CSTPP1: variants seen among roughly 807,000 people sequenced by gnomAD.
CSTPP1 encodes the protein centriolar satellite-associated tubulin polyglutamylase complex regulator 1.
At chr11:47,043,029 A>C in the CSTPP1 span, among the ~76,000 whole-genome samples, 1 of 152,212 alleles carries the variant, frequency 6.6e-6, no homozygotes, top group Non-Finnish European at 1.5e-5. Flanking sequence ...CTGACTAGGA[A>C]CTCACTAAAC....
chr11:47,164,192 G>T, the CSTPP1 span: 1 of 1,613,874 alleles, frequency 6.2e-7, no homozygotes, highest in African/African-American at 1.3e-5. Context: ...AGGCCCTGGA[G>T]AGAGTGTCCT....
the CSTPP1 span, among the ~76,000 whole-genome samples, chr11:47,142,053 G>A: frequency 6.6e-6 from 1 of 151,410 alleles, no homozygotes. Flanking sequence ...GACCATCCTG[G>A]TCAACATGGT....
chr11:47,114,062 A>C, the CSTPP1 span, among the ~76,000 whole-genome samples: 2 of 152,216 alleles, frequency 1.3e-5, no homozygotes, highest in Non-Finnish European at 2.9e-5. Context: ...AGCTTTCTAC[A>C]TATGGCTAGC....
chr11:47,136,083 C>T, the CSTPP1 span, among the ~76,000 whole-genome samples: 3 of 152,154 alleles, frequency 2.0e-5, no homozygotes, highest in African/African-American at 7.2e-5. Context: ...CTATGAAACA[C>T]TCTGACTCTC....
the CSTPP1 span, chr11:47,155,154 A>T: frequency 4.9e-5 from 78 of 1,586,262 alleles, no homozygotes; most frequent in South Asian, 7.5e-4. Context: ...TCTCTCTCTC[A>T]GATTCTCTCT....
the CSTPP1 span, among the ~76,000 whole-genome samples, chr11:47,050,225 A>G: frequency 6.6e-6 from 1 of 152,228 alleles, no homozygotes; most frequent in Non-Finnish European, 1.5e-5. Context: ...TAGACTTTCA[A>G]TATTTCCTGT....
At chr11:46,953,779 C>T in the CSTPP1 span, among the ~76,000 whole-genome samples, 3 of 152,148 alleles carry the variant, frequency 2.0e-5, no homozygotes, top group African/African-American at 7.2e-5. Context: ...GAAATCAGGT[C>T]TTAAGGTGAT....
the CSTPP1 span, among the ~76,000 whole-genome samples, chr11:47,051,090 C>T: frequency 9.2e-5 from 14 of 152,152 alleles, no homozygotes; most frequent in Non-Finnish European, 1.9e-4. Flanking sequence ...TTTCCTGTTC[C>T]ATTCAGAGTC....
the CSTPP1 span, among the ~76,000 whole-genome samples, chr11:47,044,321 C>T: frequency 1.3e-5 from 2 of 152,008 alleles, no homozygotes; most frequent in African/African-American, 4.8e-5. Flanking sequence ...AGCACTTTGA[C>T]TTCTGTTTTG....
the CSTPP1 span, among the ~76,000 whole-genome samples, chr11:46,950,374 C>G: frequency 1.3e-5 from 2 of 151,344 alleles, no homozygotes; most frequent in African/African-American, 4.9e-5. Flanking sequence ...GGAGTTTCAC[C>G]GTGTTAGCCA....
the CSTPP1 span, among the ~76,000 whole-genome samples, chr11:47,018,818 A>G: frequency 6.6e-6 from 1 of 152,160 alleles, no homozygotes. Context: ...TGCCATTCAC[A>G]TATCCTCTTT....
chr11:47,117,612 G>T, the CSTPP1 span, among the ~76,000 whole-genome samples: 7 of 152,078 alleles, frequency 4.6e-5, no homozygotes, highest in African/African-American at 1.7e-4. Context: ...TGTGTCTTGG[G>T]GTTGCTCTTC....
At chr11:46,984,833 T>C in the CSTPP1 span, among the ~76,000 whole-genome samples, 23 of 151,940 alleles carry the variant, frequency 1.5e-4, 2 homozygotes, top group African/African-American at 4.8e-4. Flanking sequence ...TTTTATAAGA[T>C]CAGGATAAAC....
the CSTPP1 span, among the ~76,000 whole-genome samples, chr11:47,059,616 C>T: frequency 6.6e-6 from 1 of 152,106 alleles, no homozygotes; most frequent in African/African-American, 2.4e-5. Context: ...CAACATGGTT[C>T]CTTTGGAAAG....
chr11:47,123,159 T>C, the CSTPP1 span: 1 of 152,202 alleles, frequency 6.6e-6, no homozygotes, highest in Non-Finnish European at 1.5e-5. Flanking sequence ...TGTAAAAGCT[T>C]CCAAAGAGAA....
At chr11:47,052,675 T>TGAGGC in the CSTPP1 span, 1 of 982,712 alleles carries the variant, frequency 1.0e-6, no homozygotes, top group African/African-American at 1.7e-5. Flanking sequence ...ATGCATGCTA[T>TGAGGC]TCAAGGCATT....
At chr11:46,998,802 C>T in the CSTPP1 span, among the ~76,000 whole-genome samples, 1 of 151,992 alleles carries the variant, frequency 6.6e-6, no homozygotes, top group Middle Eastern at 3.2e-3. Context: ...GTGGCGCGAT[C>T]TCGGCTCACC....
At chr11:47,090,310 T>C in the CSTPP1 span, among the ~76,000 whole-genome samples, 17 of 152,302 alleles carry the variant, frequency 1.1e-4, no homozygotes, top group African/African-American at 4.1e-4. Context: ...TAAGGGTATC[T>C]ACTATGGTCC....
At chr11:47,094,605 T>TA in the CSTPP1 span, among the ~76,000 whole-genome samples, 1 of 152,224 alleles carries the variant, frequency 6.6e-6, no homozygotes, top group Admixed American at 6.5e-5. Flanking sequence ...ATTAAATATG[T>TA]ATAGTTTTTT....
Sources: gnomAD v4.1 joint callset for allele counts (sites outside exome capture counted in the v4.1 genomes callset) on GRCh38, gnomAD v4.1.1 for gene constraint, MANE v1.5 for transcripts, NCBI Gene and HGNC (gene_info 2026-07-23, HGNC 2026-07-21) for gene names.